The following CYP2B6 variants were observed in gnomAD, a reference collection of about 807,000 sequenced individuals.
The protein encoded by CYP2B6 is cytochrome P450 2B6.
Under a neutral mutation model 43.4 loss-of-function variants are expected in CYP2B6, and 35 were observed. That is an observed-to-expected ratio of 0.81 (90% CI 0.62 to 1.07). The LOEUF (loss-of-function observed/expected upper bound fraction) is 1.07. Ranked by LOEUF, CYP2B6 falls within the 50% of genes least tolerant of loss-of-function variation. The pLI is 0.00. For missense variants in CYP2B6, 624 were observed against 632.8 expected (o/e 0.99, Z 0.15); for synonymous variants, 239 against 239.2 (o/e 1.00, Z 0.01).
chr19:41,012,742 C>T lies in CYP2B6; in HGVS notation c.1221C>T (p.Ala407=). The change falls in exon 8 of 9, where the codon GCC becomes GCT. Residue 407 remains alanine, a synonymous_variant. Transcript: ENST00000324071. ...CACACTACTTTGAAAAACCAGACGC[C>T]TTCAATCCTGACCACTTTCTGGATG... ...HDPHYFEKPD[A]FNPDHFLDAN... is the part of the protein sequence containing the mutation. 1 of 1,614,136 alleles carries T rather than the reference C, an allele frequency of 6.2e-7. No homozygotes were observed.
At chr19:40,997,606 A>G (rs1472823797) in intron 1 of CYP2B6, among the ~76,000 whole-genome samples, 2 of 152,156 alleles carry the variant, frequency 1.3e-5, no homozygotes, top group Non-Finnish European at 2.9e-5. Flanking sequence ...TGTCATACAT[A>G]TATATTTATC....
At chr19:41,011,004 A>C (rs1008459309) in intron 6 of CYP2B6, among the ~76,000 whole-genome samples, 8 of 152,022 alleles carry the variant, frequency 5.3e-5, no homozygotes, top group Non-Finnish European at 1.5e-5. Flanking sequence ...TCTTTCATTT[A>C]TGATTCATCT....
In CYP2B6 at chr19:41,012,471, T is replaced by C. The variant is rs201500445; in HGVS notation, c.1138T>C (p.Tyr380His). The change falls in exon 7 of 9, where the codon TAC becomes CAC. Residue 380 changes from tyrosine to histidine, a missense_variant. Transcript: ENST00000324071. ...CACCCAACACACCAGCTTCCGAGGG[T>C]ACATCATCCCCAAGGTAAGACCGGC... is the stretch of plus-strand genomic sequence containing the variant. ...IVTQHTSFRG[Y>H]IIPKDTEVFL... The C allele has an allele frequency of 7.4e-5, 120 of 1,614,120 alleles. No individual in the cohort carries two copies. In the East Asian group the frequency reaches 2.3e-3, roughly 31 times the overall value.
Position 41,012,793 on chromosome 19 carries a change from A to C in CYP2B6, c.1272A>C (p.Glu424Asp). The change falls in exon 8 of 9, where the codon GAA becomes GAC. Residue 424 changes from glutamate (E) to aspartate (D), a missense_variant. By Grantham distance (45) the Glu-to-Asp change is conservative (BLOSUM62 2). Transcript: ENST00000324071. ...CCAATGGGGCACTGAAAAAGACTGA[A>C]GCTTTTATCCCCTTCTCCTTAGGTA... is the stretch of plus-strand genomic sequence containing the variant. Reference protein sequence around the residue: ...LDANGALKKTEAFIPFSLGKR... With the variant: ...LDANGALKKTDAFIPFSLGKR... The C allele has an allele frequency of 6.2e-7, 1 of 1,614,152 alleles. No individual in the cohort carries two copies. The highest frequency in any genetic ancestry group is 1.1e-5 in the South Asian group (1 of 91,086).
At position 41,004,345 on chromosome 19, in the gene CYP2B6, C is replaced by T. The variant is rs775778295; in HGVS notation, c.383C>T (p.Ser128Phe). Residue 128 changes from serine to phenylalanine, a missense_variant, in exon 3 of 9, where the codon TCT becomes TTT. Physicochemically the swap from Ser to Phe is radical, Grantham distance 155. Coordinates refer to ENST00000324071, the MANE Select transcript of CYP2B6 (RefSeq NM_000767.5). ...CGCTGGAAGGTGCTTCGGCGATTCT[C>T]TGTGACCACTATGAGGGACTTCGGG... ...GNRWKVLRRFSVTTMRDFGMG... is the reference protein window; with the variant it reads ...GNRWKVLRRFFVTTMRDFGMG... 7.1e-5 allele frequency: 114 copies of T among 1,613,912 alleles called. No individual in the cohort carries two copies. Among genetic ancestry groups the T allele is most frequent in the Non-Finnish European group, 9.3e-5 (110 of 1,180,028 alleles).
chr19:41,004,493 GAGATGC>G (rs978893883), intron 3 of CYP2B6, 47 bp downstream of exon 3: 2 of 1,603,516 alleles, frequency 1.2e-6, no homozygotes, highest in Non-Finnish European at 1.7e-6. Flanking sequence ...GAAACACTGA[GAGATGC>G]AGGTGCACGG....
intron 1 of CYP2B6, among the ~76,000 whole-genome samples, chr19:40,997,623 A>G (rs1330720126): frequency 6.6e-6 from 1 of 152,126 alleles, no homozygotes; most frequent in Non-Finnish European, 1.5e-5. Flanking sequence ...TATCTTAGAC[A>G]CTTAGTCAAA....
At chr19:41,002,423 T>C (rs928029885) in intron 1 of CYP2B6, among the ~76,000 whole-genome samples, 2 of 152,134 alleles carry the variant, frequency 1.3e-5, no homozygotes, top group African/African-American at 4.8e-5. Flanking sequence ...CATACTCATG[T>C]AATTGACATG....
chr19:40,996,923 T>A (rs1969007059), intron 1 of CYP2B6, among the ~76,000 whole-genome samples: 1 of 152,096 alleles, frequency 6.6e-6, no homozygotes, highest in Admixed American at 6.6e-5. Flanking sequence ...GGGTAACAGA[T>A]TGAGACCCTG....
intron 4 of CYP2B6, among the ~76,000 whole-genome samples, chr19:41,008,926 A>G (rs548117563): frequency 3.0e-4 from 45 of 151,230 alleles, no homozygotes; most frequent in Non-Finnish European, 5.3e-4. Flanking sequence ...GAGGTAGACA[A>G]TGGGTGACAC....
At chr19:41,016,142 T>C (rs1969358978) in intron 8 of CYP2B6, among the ~76,000 whole-genome samples, 1 of 152,134 alleles carries the variant, frequency 6.6e-6, no homozygotes, top group African/African-American at 2.4e-5. Flanking sequence ...CTCATGCCTG[T>C]AATCCCACTT....
intron 8 of CYP2B6, among the ~76,000 whole-genome samples, chr19:41,014,397 C>T (rs1446129834): frequency 4.3e-4 from 65 of 152,068 alleles, no homozygotes; most frequent in African/African-American, 1.5e-3. Flanking sequence ...CCTCTGCCTC[C>T]CAGGTTCAAG....
At chr19:41,009,803 G>A in intron 5 of CYP2B6, 191 bp from the exon 6 acceptor site, 1 of 649,488 alleles carries the variant, frequency 1.5e-6, no homozygotes, top group Non-Finnish European at 2.7e-6. Flanking sequence ...GAGTTAGGAA[G>A]ACTAAAGAGA....
At position 41,009,292 on chromosome 19, in the gene CYP2B6, A is replaced by T. The variant is rs1353115949; in HGVS notation, c.719A>T (p.Glu240Val). 1 of 1,613,214 alleles carries T rather than the reference A, an allele frequency of 6.2e-7. No individual in the cohort carries two copies. ...AHRQVYKNLQ[E>V]INAYIGHSVE... ...AGGCAAGTTTACAAAAACCTGCAGG[A>T]AATCAATGCTTACATTGGCCACAGT... Residue 240 changes from glutamate to valine, a missense_variant, in exon 5 of 9, where the codon GAA (glutamate) becomes GTA (valine). Coordinates refer to ENST00000324071, the MANE Select transcript of CYP2B6 (RefSeq NM_000767.5).
At chr19:41,009,497 GGAA>G in intron 5 of CYP2B6, 102 bp downstream of exon 5, 1 of 1,342,200 alleles carries the variant, frequency 7.5e-7, no homozygotes, top group Non-Finnish European at 1.0e-6. Flanking sequence ...AGATGGGGAG[GGAA>G]GAAGAAAGAC....
intron 1 of CYP2B6, among the ~76,000 whole-genome samples, chr19:41,000,002 C>G (rs755608986): frequency 6.6e-6 from 1 of 152,114 alleles, no homozygotes; most frequent in Non-Finnish European, 1.5e-5. Flanking sequence ...CTCTCCCTTC[C>G]TTTATTGCAG....
chr19:41,008,706 A>G (rs2144672579), intron 4 of CYP2B6, among the ~76,000 whole-genome samples: 1 of 152,276 alleles, frequency 6.6e-6, no homozygotes, highest in South Asian at 2.1e-4. Context: ...ATCTGACTAT[A>G]TATGTTTGCA....
intron 1 of CYP2B6, among the ~76,000 whole-genome samples, chr19:40,996,240 A>C (rs1286013104): frequency 6.6e-6 from 1 of 152,024 alleles, no homozygotes; most frequent in Non-Finnish European, 1.5e-5. Flanking sequence ...CCTTAAGAGG[A>C]TTTTAAAATT....
Position 41,016,897 on chromosome 19 carries a change from C to T in CYP2B6, c.*70C>T, listed in dbSNP as rs1004284929. On this transcript the variant is annotated 3_prime_UTR_variant, in exon 9 of 9. Coordinates refer to ENST00000324071, the MANE Select transcript of CYP2B6 (RefSeq NM_000767.5). ...GTCCCCGCCTCTGTAGACAATGGCT[C>T]TGACTCCCCGCAACTTCCTGCCTCT... The T allele has an allele frequency of 1.3e-6, 2 of 1,521,726 alleles. No individual in the cohort carries two copies. The highest frequency in any genetic ancestry group is 2.7e-5 in the African/African-American group (2 of 72,882). 94.3% of individuals were successfully genotyped at this position (1,521,726 alleles called of 1,614,324 possible). A position where few individuals can be genotyped will look rare whatever the true frequency, so the allele number is the denominator to read the frequency against.
Sources: allele counts gnomAD v4.1 joint callset (sites outside exome capture counted in the v4.1 genomes callset), GRCh38; gene constraint gnomAD v4.1.1; transcripts MANE v1.5; gene names NCBI Gene and HGNC (gene_info 2026-07-23, HGNC 2026-07-21).